Variants in TCF7L2 observed in about 807,000 individuals in gnomAD.
TCF7L2 encodes transcription factor 7-like 2.
A neutral mutation model predicts 77.9 loss-of-function variants in TCF7L2; 23 were observed. The observed-to-expected ratio is 0.30, with a 90% CI of 0.21 to 0.42. The LOEUF is 0.42. Ranked by LOEUF, TCF7L2 falls within the 10% of genes least tolerant of loss-of-function variation. The pLI is 1.00. For synonymous variants in TCF7L2, 413 were observed against 340.2 expected, an observed-to-expected ratio of 1.21 and a Z score of -2.36; for missense variants, 654 against 793.1, an observed-to-expected ratio of 0.82 and a Z score of 2.11.
chr10:113,099,676 C>T lies in TCF7L2; in HGVS notation c.553-41508C>T, dbSNP rs375690489. Among the ~76,000 whole-genome samples, 43 of 152,352 alleles carry T rather than the reference C, an allele frequency of 2.8e-4. 1 individual carries two copies. In the South Asian group the frequency reaches 8.3e-3, roughly 29 times the overall value. ...CGAGCTCCCAGCTCAGTGTCACACT[C>T]GAGTGAACAGTAGATGATGCTTCTG... On this transcript the variant is annotated intron_variant, in intron 5 of 13. Transcript: ENST00000627217.
chr10:113,129,356 T>G, intron 5 of TCF7L2: 1 of 989,362 alleles, frequency 1.0e-6, no homozygotes, highest in African/African-American at 1.7e-5. Context: ...GCGGCAGCTC[T>G]GTCCCTGCTG....
chr10:113,088,773 A>G (rs1306480152), intron 5 of TCF7L2, among the ~76,000 whole-genome samples: 2 of 152,180 alleles, frequency 1.3e-5, no homozygotes, highest in East Asian at 1.9e-4. Context: ...CCTGAGCAAC[A>G]TAGCAAGATT....
chr10:112,960,019 A>AT (rs1240946326), intron 3 of TCF7L2, among the ~76,000 whole-genome samples: 1 of 152,070 alleles, frequency 6.6e-6, no homozygotes, highest in Admixed American at 6.5e-5. Flanking sequence ...AAGCCAGGTG[A>AT]TTCATAAAAC....
At chr10:112,958,028 A>C (rs1279498820) in intron 3 of TCF7L2, among the ~76,000 whole-genome samples, 2 of 152,180 alleles carry the variant, frequency 1.3e-5, no homozygotes, top group Non-Finnish European at 2.9e-5. Flanking sequence ...AATCAATGGC[A>C]TGCAGAAACT....
intron 5 of TCF7L2, among the ~76,000 whole-genome samples, chr10:113,061,041 C>G (rs929682196): frequency 6.6e-6 from 1 of 152,196 alleles, no homozygotes; most frequent in African/African-American, 2.4e-5. Flanking sequence ...TGGGAATCCA[C>G]GATCAAACTT....
intron 4 of TCF7L2, among the ~76,000 whole-genome samples, 179 bp downstream of exon 4, chr10:112,964,803 TGGTGGTGGTGGGGGG>T: frequency 9.1e-5 from 3 of 33,020 alleles, no homozygotes; most frequent in African/African-American, 5.0e-4. Context: ...ATGGTGGTGG[TGGTGGTGGTGGGGGG>T]GGGTTGAATC....
intron 4 of TCF7L2, among the ~76,000 whole-genome samples, chr10:112,969,279 G>T (rs1046658464): frequency 2.6e-5 from 4 of 152,180 alleles, no homozygotes; most frequent in African/African-American, 9.7e-5. Flanking sequence ...CTCAGCATAT[G>T]TCTGTGAGTT....
rs77544200 is a variant in TCF7L2, at chr10:112,971,222, T to C, written c.450+6598T>C. Among the ~76,000 whole-genome samples, 636 of 152,346 alleles carry C rather than the reference T, an allele frequency of 4.2e-3. 4 individuals carry two copies. Among genetic ancestry groups the C allele is most frequent in the African/African-American group, 0.015 (603 of 41,574 alleles). On this transcript the variant is annotated intron_variant, in intron 4 of 13. Transcript: ENST00000627217. ...TTAATTTTTAATATTTAAATTCTAG[T>C]GATACTGACTTATAAACACCCCGTT...
At position 113,059,013 on chromosome 10, in the gene TCF7L2, G is replaced by GC. The variant is rs138277421; in HGVS notation, c.552+18893dup. On this transcript the variant is annotated intron_variant, in intron 5 of 13. Transcript: ENST00000627217. ...AACCTGCGAAATCACTAATGCAACC[G>GC]CCCCCCATGCCCCAAAAGGTGGGAG... Among the ~76,000 whole-genome samples the GC allele has an allele frequency of 4.3e-3, 660 of 152,030 alleles. 2 individuals carry two copies. Among genetic ancestry groups the GC allele is most frequent in the Non-Finnish European group, 7.5e-3 (511 of 67,970 alleles).
At chr10:112,991,413 CAGG>C (rs1337145870) in intron 4 of TCF7L2, among the ~76,000 whole-genome samples, 6 of 146,450 alleles carry the variant, frequency 4.1e-5, no homozygotes, top group African/African-American at 1.4e-4. Flanking sequence ...GAGTCTGAGG[CAGG>C]AGAATGGCGT....
intron 5 of TCF7L2, among the ~76,000 whole-genome samples, chr10:113,140,617 G>T (rs1264655013): frequency 6.6e-6 from 1 of 152,160 alleles, no homozygotes; most frequent in Non-Finnish European, 1.5e-5. Context: ...CCGTGAGTGG[G>T]GTTTTGCATC....
chr10:113,146,101 A>G lies in TCF7L2; in HGVS notation c.875+4A>G, dbSNP rs748301416. ...CCGTCAATGCTTCCATGTCCAGGTG[A>G]GTTCCAAGAACCGGGGCCTTCATCC... On this transcript the variant is annotated splice_donor_region_variant and intron_variant, in intron 8 of 13. Coordinates refer to ENST00000627217, the MANE Select transcript of TCF7L2 (RefSeq NM_001146274.2). 2 of 1,613,928 alleles carry G rather than the reference A, an allele frequency of 1.2e-6. No homozygotes were observed. Among genetic ancestry groups the G allele is most frequent in the East Asian group, 4.5e-5 (2 of 44,850 alleles).
intron 4 of TCF7L2, among the ~76,000 whole-genome samples, chr10:113,004,439 ACTTTAAGGTCCTTGG>A (rs920287091): frequency 1.3e-5 from 2 of 152,164 alleles, no homozygotes; most frequent in Admixed American, 6.6e-5. Flanking sequence ...GGACAGTGGA[ACTTTAAGGTCCTTGG>A]CTTGTATTTC....
chr10:113,065,252 T>C (rs115325910), intron 5 of TCF7L2, among the ~76,000 whole-genome samples: 99 of 152,314 alleles, frequency 6.5e-4, no homozygotes, highest in African/African-American at 2.2e-3. Context: ...AAAAGGCCTG[T>C]TTTGAATGCC....
At chr10:113,163,363 C>T (rs2073502940) in intron 13 of TCF7L2, among the ~76,000 whole-genome samples, 1 of 152,206 alleles carries the variant, frequency 6.6e-6, no homozygotes, top group South Asian at 2.1e-4. Context: ...TCACTCTGCC[C>T]TAATATAGCA....
At chr10:112,962,715 C>G (rs2035575831) in intron 3 of TCF7L2, among the ~76,000 whole-genome samples, 1 of 152,182 alleles carries the variant, frequency 6.6e-6, no homozygotes, top group South Asian at 2.1e-4. Context: ...TTTCCTGCCT[C>G]AGCCTCCTGA....
chr10:112,959,278 T>C (rs1414831273), intron 3 of TCF7L2, among the ~76,000 whole-genome samples: 1 of 152,204 alleles, frequency 6.6e-6, no homozygotes, highest in Non-Finnish European at 1.5e-5. Flanking sequence ...TTCCCCTTTT[T>C]TTCTTCTTAG....
chr10:112,982,382 C>G lies in TCF7L2; in HGVS notation c.450+17758C>G, dbSNP rs77653074. Among the ~76,000 whole-genome samples the G allele has an allele frequency of 6.4e-3, 974 of 152,266 alleles. 7 individuals are homozygous for G. Among genetic ancestry groups the G allele is most frequent in the Non-Finnish European group, 0.01 (681 of 68,026 alleles). On this transcript the variant is annotated intron_variant, in intron 4 of 13. Coordinates refer to ENST00000627217, the MANE Select transcript of TCF7L2 (RefSeq NM_001146274.2). Reference sequence around the variant, plus strand: ...TGAGGCTCTGTCACAGGGGCCTAGTCCAGTACCTGGCACATAAGAAAGGTT... The same window carrying G: ...TGAGGCTCTGTCACAGGGGCCTAGTGCAGTACCTGGCACATAAGAAAGGTT...
intron 5 of TCF7L2, among the ~76,000 whole-genome samples, chr10:113,067,799 G>A (rs541739571): frequency 2.0e-5 from 3 of 151,946 alleles, no homozygotes; most frequent in South Asian, 4.2e-4. Context: ...GGTTATATAT[G>A]ACCTTCTTTT....
Sources: gnomAD v4.1 joint callset for allele counts (sites outside exome capture counted in the v4.1 genomes callset) on GRCh38, gnomAD v4.1.1 for gene constraint, MANE v1.5 for transcripts, NCBI Gene and HGNC (gene_info 2026-07-23, HGNC 2026-07-21) for gene names.